Variants in STK3 observed in about 807,000 individuals in gnomAD.
STK3 encodes the protein serine/threonine-protein kinase 3.
Under a neutral mutation model 58.0 loss-of-function variants are expected in STK3, and 41 were observed. The ratio of observed to expected loss-of-function variants is 0.71; its 90% CI spans 0.55 to 0.92. STK3 has a LOEUF of 0.92. Ranked by LOEUF, STK3 falls within the 40% of genes least tolerant of loss-of-function variation. The pLI, the probability that STK3 is intolerant of heterozygous loss-of-function variation, is 0.00. For synonymous variants in STK3, 170 were observed against 191.0 expected, an observed-to-expected ratio of 0.89 and a Z score of 0.91; for missense variants, 479 against 602.7, an observed-to-expected ratio of 0.79 and a Z score of 2.15.
intron 6 of STK3, chr8:98,633,619 T>C (rs1305405938): frequency 1.5e-5 from 11 of 740,964 alleles, no homozygotes; most frequent in Admixed American, 3.6e-5. Flanking sequence ...CGGAGGAACA[T>C]TGGTGTTACA....
Position 98,825,548 on chromosome 8 carries a change from G to C in STK3, c.-8C>G, listed in dbSNP as rs1419197867. On this transcript the variant is annotated 5_prime_UTR_variant, in exon 1 of 11. Coordinates refer to ENST00000419617, the MANE Select transcript of STK3 (RefSeq NM_006281.4). ...CGCCGGCGGCTGCTCCATGGCGGCCGGGGACAGAGAGAGGGACCTGGTGGA... is the reference window on the plus strand; with the variant it reads ...CGCCGGCGGCTGCTCCATGGCGGCCCGGGACAGAGAGAGGGACCTGGTGGA... The C allele has an allele frequency of 1.4e-6, 2 of 1,455,708 alleles. No individual in the cohort carries two copies. The highest frequency in any genetic ancestry group is 1.8e-6 in the Non-Finnish European group (2 of 1,098,780). 90.2% of individuals were successfully genotyped at this position (1,455,708 alleles called of 1,614,324 possible).
In STK3 at chr8:98,442,641, G is replaced by A. The variant is rs186495350; in HGVS notation, n.186-5433C>T. Reference sequence around the variant, plus strand: ...CAGTGTTGCGGCTTAGCAGCATTACGAATAATATCATTTCCACTATCTCTG... The same window carrying A: ...CAGTGTTGCGGCTTAGCAGCATTACAAATAATATCATTTCCACTATCTCTG... On this transcript the variant is annotated intron_variant and non_coding_transcript_variant, in intron 1 of 3. Coordinates refer to the STK3 transcript ENST00000517832. Among the ~76,000 whole-genome samples the A allele has an allele frequency of 1.9e-4, 29 of 152,292 alleles. No individual in the cohort carries two copies. The East Asian group carries it at 2.9e-3, about 15-fold the overall frequency.
At chr8:98,446,195 G>A (rs1818941903) in intron 1 of STK3, among the ~76,000 whole-genome samples, 1 of 152,124 alleles carries the variant, frequency 6.6e-6, no homozygotes, top group African/African-American at 2.4e-5. Context: ...TATCTCATTA[G>A]TGAAGACTTC....
chr8:98,852,136 AT>A (rs1170510581), intron 3 of STK3, among the ~76,000 whole-genome samples: 1 of 151,428 alleles, frequency 6.6e-6, no homozygotes, highest in Non-Finnish European at 1.5e-5. Context: ...AGCTAAGCTA[AT>A]TTTCTTTTTT....
chr8:98,498,111 T>C (rs1823282827), intron 10 of STK3, among the ~76,000 whole-genome samples: 1 of 152,204 alleles, frequency 6.6e-6, no homozygotes, highest in Non-Finnish European at 1.5e-5. Flanking sequence ...TGTTCATCAA[T>C]TGATGGATAT....
At chr8:98,569,188 A>G (rs1343088859) in intron 8 of STK3, among the ~76,000 whole-genome samples, 3 of 152,186 alleles carry the variant, frequency 2.0e-5, no homozygotes, top group Non-Finnish European at 4.4e-5. Flanking sequence ...CACCCAATCA[A>G]TCAATCAATC....
intron 1 of STK3, among the ~76,000 whole-genome samples, chr8:98,929,165 C>T (rs1281757635): frequency 6.6e-6 from 1 of 152,168 alleles, no homozygotes; most frequent in Non-Finnish European, 1.5e-5. Flanking sequence ...ACTTGGGAAG[C>T]TGAGGCAGGA....
intron 3 of STK3, among the ~76,000 whole-genome samples, chr8:98,834,166 T>A (rs1002956108): frequency 6.6e-6 from 1 of 152,182 alleles, no homozygotes; most frequent in Non-Finnish European, 1.5e-5. Context: ...AAGCCACACT[T>A]TATAGTTGAA....
chr8:98,387,029 T>C (rs1466502945), intron 1 of STK3, among the ~76,000 whole-genome samples: 1 of 152,070 alleles, frequency 6.6e-6, no homozygotes, highest in Admixed American at 6.6e-5. Flanking sequence ...ATTAGGAAAA[T>C]GCAATTCTTA....
At chr8:98,518,949 G>A (rs1473158567) in intron 10 of STK3, among the ~76,000 whole-genome samples, 4 of 151,926 alleles carry the variant, frequency 2.6e-5, no homozygotes, top group Non-Finnish European at 5.9e-5. Flanking sequence ...GGAACATTTG[G>A]GATTTTGTGT....
rs185127814 is a variant in STK3, at chr8:98,795,144, C to T, written c.27-20325G>A. Reference sequence around the variant, plus strand: ...TATATATATATACATACTAGTACACCAAATCCAGCAGCACATCAAAAACTT... The same window carrying T: ...TATATATATATACATACTAGTACACTAAATCCAGCAGCACATCAAAAACTT... On this transcript the variant is annotated intron_variant, in intron 1 of 10. Transcript: ENST00000419617. Among the ~76,000 whole-genome samples, 6 of 106,220 alleles carry T rather than the reference C, an allele frequency of 5.6e-5. No homozygotes were observed. In the East Asian group the frequency reaches 1.8e-3, roughly 32 times the overall value. The allele number at this position is 106,220 out of a possible 152,430, so 69.7% of individuals were successfully genotyped here.
chr8:98,528,746 C>T (rs1228696222), intron 9 of STK3, among the ~76,000 whole-genome samples: 6 of 152,086 alleles, frequency 3.9e-5, no homozygotes, highest in Non-Finnish European at 8.8e-5. Context: ...CACCTCCCCA[C>T]AAGGGACCCT....
intron 6 of STK3, among the ~76,000 whole-genome samples, chr8:98,653,268 C>T (rs927370452): frequency 2.6e-5 from 4 of 152,038 alleles, no homozygotes; most frequent in African/African-American, 7.2e-5. Context: ...GAAATAAAGA[C>T]GTGCTTTGAA....
chr8:98,764,282 T>C (rs1360848831), intron 3 of STK3, among the ~76,000 whole-genome samples: 1 of 152,222 alleles, frequency 6.6e-6, no homozygotes, highest in East Asian at 1.9e-4. Flanking sequence ...ATAACAAGAA[T>C]AAGTACCTGA....
At chr8:98,384,301 T>C (rs765713421) in intron 1 of STK3, among the ~76,000 whole-genome samples, 2 of 152,244 alleles carry the variant, frequency 1.3e-5, no homozygotes, top group Admixed American at 6.5e-5. Flanking sequence ...ATAAAAACCC[T>C]AAAGACCATT....
rs2131276227 is a variant in STK3, at chr8:98,480,589, C to G, written c.1318-24589G>C. Among the ~76,000 whole-genome samples the G allele has an allele frequency of 2.0e-5, 3 of 152,078 alleles. 1 individual carries two copies. In the East Asian group the frequency reaches 5.8e-4, roughly 29 times the overall value. On this transcript the variant is annotated intron_variant, in intron 10 of 10. Coordinates refer to ENST00000419617, the MANE Select transcript of STK3 (RefSeq NM_006281.4). The stretch of plus-strand genomic sequence containing the variant: ...ATTCACCAAGAACAAACAAAAAAAC[C>G]TCTTCAAATAGACCATGGAACTGAA...
chr8:98,450,262 G>C (rs1253288697), downstream of STK3, among the ~76,000 whole-genome samples: 9 of 152,178 alleles, frequency 5.9e-5, no homozygotes. Flanking sequence ...CAATCAGCTT[G>C]CTTATCAAGG....
Position 98,794,961 on chromosome 8 carries a change from A to G in STK3, c.27-20142T>C, listed in dbSNP as rs552187703. The stretch of plus-strand genomic sequence containing the variant: ...GCATGCCTGTAATCCCAGCTACTCC[A>G]GAGGCTTGAGGCAGGAGAATGGCTT... On this transcript the variant is annotated intron_variant, in intron 1 of 10. Transcript: ENST00000419617. Among the ~76,000 whole-genome samples the G allele has an allele frequency of 8.5e-3, 1,278 of 149,602 alleles. 11 individuals are homozygous for G. The highest frequency in any genetic ancestry group is 0.03 in the African/African-American group (1,203 of 40,612).
chr8:98,449,650 G>C (rs1473731715), downstream of STK3, among the ~76,000 whole-genome samples: 1 of 152,154 alleles, frequency 6.6e-6, no homozygotes. Flanking sequence ...GAGGGGGAAA[G>C]TTTAGCATAA....
Sources: gnomAD v4.1 joint callset for allele counts (sites outside exome capture counted in the v4.1 genomes callset) on GRCh38, gnomAD v4.1.1 for gene constraint, MANE v1.5 for transcripts, NCBI Gene and HGNC (gene_info 2026-07-23, HGNC 2026-07-21) for gene names.